Variants in FOXP1 observed in about 807,000 individuals in gnomAD.
FOXP1 encodes the protein forkhead box protein P1.
In FOXP1, 15 loss-of-function variants were observed where a neutral mutation model predicts 98.2. That is an observed-to-expected ratio of 0.15 (90% CI 0.10 to 0.24). The LOEUF (loss-of-function observed/expected upper bound fraction) is 0.24, where lower values mean the gene tolerates loss of function less well. Among genes scored for constraint, FOXP1 ranks in the 10% least tolerant of loss-of-function variants. The pLI, the probability that FOXP1 is intolerant of heterozygous loss-of-function variation, is 1.00. For synonymous variants in FOXP1, 371 were observed against 314.5 expected, an observed-to-expected ratio of 1.18 and a Z score of -1.90; for missense variants, 633 against 848.5, an observed-to-expected ratio of 0.75 and a Z score of 3.15.
chr3:70,990,466 T>A (rs1241528917), intron 13 of FOXP1, among the ~76,000 whole-genome samples: 2 of 145,740 alleles, frequency 1.4e-5, no homozygotes, highest in Non-Finnish European at 3.0e-5. Context: ...GAGCTCACCA[T>A]CCCCATCAAT....
intron 19 of FOXP1, among the ~76,000 whole-genome samples, chr3:70,967,710 G>C (rs28616124): frequency 1.5e-5 from 1 of 68,872 alleles, no homozygotes; most frequent in Non-Finnish European, 2.7e-5. Flanking sequence ...GTTTTTTTTT[G>C]TTTTTTTTTT....
At position 70,957,128 on chromosome 3, in the gene FOXP1, T is replaced by A. The variant is rs967834319; in HGVS notation, c.*2119A>T. The A allele has an allele frequency of 8.6e-5, 19 of 222,094 alleles. No homozygotes were observed. The highest frequency in any genetic ancestry group is 3.4e-4 in the African/African-American group (15 of 44,774). The allele number at this position is 222,094 out of a possible 1,614,324, so 13.8% of individuals were successfully genotyped here. On this transcript the variant is annotated 3_prime_UTR_variant, in exon 21 of 21. Coordinates refer to ENST00000649528, the MANE Select transcript of FOXP1 (RefSeq NM_001349338.3). ...ACTCTAAACTGTCTCCTTTATTGGA[T>A]ACTCTAATTGCAGTGGCATACATTC...
chr3:71,163,249 T>C (rs973431662), intron 6 of FOXP1, among the ~76,000 whole-genome samples: 1 of 152,224 alleles, frequency 6.6e-6, no homozygotes, highest in African/African-American at 2.4e-5. Flanking sequence ...CAATGATTTA[T>C]AGGTGAAATT....
chr3:71,403,670 G>A lies in FOXP1; in HGVS notation c.-167-44426C>T, dbSNP rs142758086. 2.3e-3 allele frequency among the ~76,000 whole-genome samples: 347 copies of A among 152,246 alleles called. 8 individuals are homozygous for A. The East Asian group carries it at 0.059, about 26-fold the overall frequency. ...TCAAGACCAGCCTGGGCAACATGGC[G>A]AAACCCCATCTCCATTAAAAATACA... On this transcript the variant is annotated intron_variant, in intron 3 of 20. Transcript: ENST00000649528.
intron 5 of FOXP1, among the ~76,000 whole-genome samples, chr3:71,229,149 GT>G (rs2066083400): frequency 6.6e-6 from 1 of 152,024 alleles, no homozygotes; most frequent in African/African-American, 2.4e-5. Context: ...GACGACACCA[GT>G]TTTTCCCCCA....
At chr3:71,257,211 C>CCAGT (rs1215672774) in intron 5 of FOXP1, among the ~76,000 whole-genome samples, 1 of 152,128 alleles carries the variant, frequency 6.6e-6, no homozygotes, top group Non-Finnish European at 1.5e-5. Context: ...TAAAGAAAGA[C>CCAGT]CAGTGGCTGA....
intron 11 of FOXP1, among the ~76,000 whole-genome samples, chr3:71,023,900 A>C (rs2045771995): frequency 6.6e-6 from 1 of 152,216 alleles, no homozygotes; most frequent in South Asian, 2.1e-4. Flanking sequence ...GCTGGCCTTG[A>C]AACTTGATCG....
chr3:71,218,795 A>T (rs975502095), intron 5 of FOXP1, among the ~76,000 whole-genome samples: 3 of 151,932 alleles, frequency 2.0e-5, no homozygotes, highest in Admixed American at 1.3e-4. Context: ...TGGGGCCCCT[A>T]CTCTCAAGCA....
intron 14 of FOXP1, among the ~76,000 whole-genome samples, chr3:70,985,229 T>TACTC (rs1162096449): frequency 6.6e-6 from 1 of 152,202 alleles, no homozygotes; most frequent in Non-Finnish European, 1.5e-5. Flanking sequence ...TCTAGAAGGA[T>TACTC]ACTCATTCAA....
intron 7 of FOXP1, among the ~76,000 whole-genome samples, chr3:71,105,239 C>T (rs2057330502): frequency 6.6e-6 from 1 of 152,088 alleles, no homozygotes; most frequent in Non-Finnish European, 1.5e-5. Context: ...CCCTGAAGCA[C>T]AAGTGGACGA....
At chr3:71,198,470 T>A in intron 5 of FOXP1, 78 bp from the exon 6 acceptor site, 1 of 1,269,572 alleles carries the variant, frequency 7.9e-7, no homozygotes. Context: ...TTGTTGTGCA[T>A]AAGGAGAAGG....
chr3:71,306,089 G>C (rs35592432), intron 4 of FOXP1: 2,945 of 152,284 alleles, frequency 0.019, 46 homozygotes, highest in Non-Finnish European at 0.03. Flanking sequence ...AAATATGCAG[G>C]AAGAGGCCCC....
intron 5 of FOXP1, among the ~76,000 whole-genome samples, chr3:71,263,530 G>A (rs1007650390): frequency 2.3e-4 from 35 of 152,138 alleles, no homozygotes; most frequent in Admixed American, 1.3e-4. Flanking sequence ...TGTGATGTGC[G>A]AGGTGTGCAG....
chr3:71,500,964 G>A lies in FOXP1; in HGVS notation c.-297-7409C>T, dbSNP rs190470342. 3.1e-3 allele frequency among the ~76,000 whole-genome samples: 467 copies of A among 152,280 alleles called. 4 individuals carry two copies. Among genetic ancestry groups the A allele is most frequent in the South Asian group, 7.0e-3 (34 of 4,826 alleles). ...TTCAGCACTTTGGGAGGCTGAGATG[G>A]GCAGATTATCTGAGGTCAGGAATTC... On this transcript the variant is annotated intron_variant, in intron 2 of 20. Coordinates refer to ENST00000649528, the MANE Select transcript of FOXP1 (RefSeq NM_001349338.3).
chr3:71,543,968 G>C (rs2045112748), intron 2 of FOXP1, among the ~76,000 whole-genome samples: 1 of 150,254 alleles, frequency 6.7e-6, no homozygotes, highest in African/African-American at 2.4e-5. Context: ...GTGCCTGTGT[G>C]TGTTTACACA....
At chr3:70,980,915 A>G (rs1192474273) in intron 14 of FOXP1, among the ~76,000 whole-genome samples, 1 of 152,198 alleles carries the variant, frequency 6.6e-6, no homozygotes, top group Admixed American at 6.5e-5. Flanking sequence ...ACTTTTCCCT[A>G]AACACTGTGG....
chr3:71,197,854 T>A (rs539452345), intron 6 of FOXP1: 1 of 1,611,132 alleles, frequency 6.2e-7, no homozygotes, highest in South Asian at 1.1e-5. Context: ...GTTTAATTTT[T>A]ATTTTTGCAT....
intron 3 of FOXP1, among the ~76,000 whole-genome samples, chr3:71,468,904 G>A (rs2089051791): frequency 6.6e-6 from 1 of 152,160 alleles, no homozygotes; most frequent in South Asian, 2.1e-4. Flanking sequence ...GTTGGCATGT[G>A]GGTGCTTGAG....
At chr3:71,531,452 T>A (rs1056439822) in intron 2 of FOXP1, among the ~76,000 whole-genome samples, 2 of 151,998 alleles carry the variant, frequency 1.3e-5, no homozygotes, top group Non-Finnish European at 2.9e-5. Context: ...AGCACTATAT[T>A]GCCAGTCCAC....
Sources: gnomAD v4.1 joint callset for allele counts (sites outside exome capture counted in the v4.1 genomes callset) on GRCh38, gnomAD v4.1.1 for gene constraint, MANE v1.5 for transcripts, NCBI Gene and HGNC (gene_info 2026-07-23, HGNC 2026-07-21) for gene names.